Variants in ESRRG observed in about 807,000 individuals in gnomAD.
ESRRG encodes estrogen-related receptor gamma.
A neutral mutation model predicts 44.0 loss-of-function variants in ESRRG; 13 were observed. The observed-to-expected ratio is 0.30, with a 90% CI of 0.19 to 0.47. The LOEUF is 0.47. ESRRG is among the 20% of genes least tolerant of loss of function. The probability of loss-of-function intolerance (pLI) is 1.00; values close to 1 mark genes in which losing one functional copy is unlikely to be tolerated. For missense variants in ESRRG, 395 were observed against 580.6 expected (o/e 0.68, Z 3.29); for synonymous variants, 215 against 214.6 (o/e 1.00, Z -0.02).
chr1:216,729,035 G>A (rs994387696), intron 2 of ESRRG, among the ~76,000 whole-genome samples: 1 of 152,152 alleles, frequency 6.6e-6, no homozygotes, highest in Non-Finnish European at 1.5e-5. Context: ...CATGCCTTGG[G>A]TTCAGATTCC....
intron 2 of ESRRG, among the ~76,000 whole-genome samples, chr1:216,813,963 T>G (rs2095054825): frequency 1.3e-5 from 2 of 152,220 alleles, no homozygotes; most frequent in Admixed American, 1.3e-4. Context: ...ATAAAGAGAT[T>G]AAGCATGCTA....
chr1:217,070,787 A>G (rs2090461343), intron 1 of ESRRG, among the ~76,000 whole-genome samples: 2 of 152,222 alleles, frequency 1.3e-5, no homozygotes, highest in Non-Finnish European at 2.9e-5. Context: ...ATATTTTTAC[A>G]TGAATCTCTG....
chr1:216,705,152 T>A (rs973089572), intron 1 of ESRRG, among the ~76,000 whole-genome samples: 10 of 152,150 alleles, frequency 6.6e-5, no homozygotes, highest in African/African-American at 2.4e-4. Context: ...GTCCATGTGG[T>A]TTATCTAGGC....
At chr1:216,511,436 A>G (rs1478496749) in intron 6 of ESRRG, among the ~76,000 whole-genome samples, 2 of 151,518 alleles carry the variant, frequency 1.3e-5, no homozygotes, top group African/African-American at 4.9e-5. Flanking sequence ...GATCACATAA[A>G]CAACAACAAC....
chr1:216,642,583 C>G (rs1481716402), intron 3 of ESRRG, among the ~76,000 whole-genome samples: 1 of 152,090 alleles, frequency 6.6e-6, no homozygotes, highest in Non-Finnish European at 1.5e-5. Flanking sequence ...AATGAGGGAG[C>G]TTCTTAGGAT....
intron 2 of ESRRG, among the ~76,000 whole-genome samples, chr1:216,841,699 G>T (rs1380417005): frequency 7.2e-5 from 11 of 152,082 alleles, no homozygotes; most frequent in Non-Finnish European, 1.6e-4. Context: ...CAGCCTGCAG[G>T]GCCAGATGTA....
At chr1:216,856,047 T>A (rs779478208) in intron 2 of ESRRG, among the ~76,000 whole-genome samples, 1 of 151,672 alleles carries the variant, frequency 6.6e-6, no homozygotes, top group Non-Finnish European at 1.5e-5. Context: ...GGTGACCTAC[T>A]ACCTGGGGCA....
At chr1:216,801,097 T>G (rs1040043287) in intron 2 of ESRRG, among the ~76,000 whole-genome samples, 1 of 152,186 alleles carries the variant, frequency 6.6e-6, no homozygotes, top group Non-Finnish European at 1.5e-5. Context: ...CAGTTGCCCA[T>G]TTTTTATTGA....
At chr1:216,991,262 T>G (rs1409104867) in intron 1 of ESRRG, among the ~76,000 whole-genome samples, 3 of 152,140 alleles carry the variant, frequency 2.0e-5, no homozygotes, top group African/African-American at 7.2e-5. Context: ...TGGGGACTGT[T>G]GCTATAAAGA....
Position 216,987,274 on chromosome 1 carries a change from G to T in ESRRG, c.-105-47601C>A, listed in dbSNP as rs546842086. Among the ~76,000 whole-genome samples the T allele has an allele frequency of 6.6e-5, 10 of 152,190 alleles. No homozygotes were observed. The South Asian group carries it at 1.9e-3, about 28-fold the overall frequency. On this transcript the variant is annotated intron_variant, in intron 1 of 7. Coordinates refer to the ESRRG transcript ENST00000359162. ...TTTCTCTAACATAGCTGTGCTTAAGGAAAAAGAGCATGCTTCCATGCATGA... is the reference window on the plus strand; with the variant it reads ...TTTCTCTAACATAGCTGTGCTTAAGTAAAAAGAGCATGCTTCCATGCATGA...
At chr1:216,889,457 G>A (rs1234251834) in intron 2 of ESRRG, among the ~76,000 whole-genome samples, 2 of 152,146 alleles carry the variant, frequency 1.3e-5, no homozygotes, top group Non-Finnish European at 2.9e-5. Context: ...GGGCTATCAG[G>A]ACAAGGAGCA....
intron 2 of ESRRG, among the ~76,000 whole-genome samples, chr1:216,866,371 G>A (rs534587713): frequency 6.6e-6 from 1 of 152,068 alleles, no homozygotes; most frequent in African/African-American, 2.4e-5. Context: ...TGCTCTTATT[G>A]TTATTTAACA....
chr1:217,093,960 G>A (rs1405321445), upstream of ESRRG, among the ~76,000 whole-genome samples: 2 of 152,002 alleles, frequency 1.3e-5, no homozygotes, highest in African/African-American at 2.4e-5. Context: ...ATAGCTCACT[G>A]TAACCTCAAA....
intron 2 of ESRRG, among the ~76,000 whole-genome samples, chr1:216,770,455 C>T (rs976420527): frequency 4.7e-4 from 72 of 152,168 alleles, no homozygotes; most frequent in African/African-American, 1.7e-3. Flanking sequence ...TGAGCCAAGG[C>T]CTTTTAGCAT....
upstream of ESRRG, among the ~76,000 whole-genome samples, chr1:216,725,993 T>C (rs2087442636): frequency 1.3e-5 from 2 of 152,192 alleles, no homozygotes; most frequent in African/African-American, 4.8e-5. Context: ...CATTTTCTTA[T>C]TTCCCTTTGG....
intron 1 of ESRRG, among the ~76,000 whole-genome samples, chr1:217,030,256 A>G (rs1203104149): frequency 6.6e-6 from 1 of 152,072 alleles, no homozygotes; most frequent in Non-Finnish European, 1.5e-5. Flanking sequence ...GTGGCCATAG[A>G]TAACAGCCCT....
chr1:216,998,915 A>T (rs1474355351), intron 1 of ESRRG, among the ~76,000 whole-genome samples: 2 of 152,234 alleles, frequency 1.3e-5, no homozygotes, highest in Non-Finnish European at 2.9e-5. Context: ...TGAAACATGG[A>T]CATTCACATT....
At chr1:216,713,131 T>C (rs115861885) in intron 1 of ESRRG, among the ~76,000 whole-genome samples, 1 of 152,252 alleles carries the variant, frequency 6.6e-6, no homozygotes, top group African/African-American at 2.4e-5. Context: ...ATCAATCAAT[T>C]TGCTCTTGCA....
At chr1:216,965,569 TAGG>T (rs1323550482) in intron 1 of ESRRG, among the ~76,000 whole-genome samples, 1 of 152,136 alleles carries the variant, frequency 6.6e-6, no homozygotes, top group Non-Finnish European at 1.5e-5. Context: ...GCCCGTCTTC[TAGG>T]AATTCCCTAC....
Sources: gnomAD v4.1 joint callset for allele counts (sites outside exome capture counted in the v4.1 genomes callset) on GRCh38, gnomAD v4.1.1 for gene constraint, MANE v1.5 for transcripts, NCBI Gene and HGNC (gene_info 2026-07-23, HGNC 2026-07-21) for gene names.